The following VTCN1 variants were observed in gnomAD, a reference collection of about 807,000 sequenced individuals.
The protein encoded by VTCN1 is V-set domain containing T cell activation inhibitor 1, also known as V-set domain-containing T-cell activation inhibitor 1.
A neutral mutation model predicts 26.5 loss-of-function variants in VTCN1; 26 were observed. That is an observed-to-expected ratio of 0.98 (90% CI 0.72 to 1.36). The LOEUF (loss-of-function observed/expected upper bound fraction) is 1.36. VTCN1 is among the 40% of genes most tolerant of loss of function. VTCN1 has a pLI of 0.00. For missense variants in VTCN1, 298 were observed against 337.7 expected (o/e 0.88, Z 0.92); for synonymous variants, 116 against 130.7 (o/e 0.89, Z 0.77).
At chr1:117,193,765 A>G (rs998402709) in intron 1 of VTCN1, among the ~76,000 whole-genome samples, 3 of 152,184 alleles carry the variant, frequency 2.0e-5, no homozygotes, top group African/African-American at 7.2e-5. Context: ...TAGACATAGA[A>G]CATTCCATCC....
At chr1:117,154,526 G>A (rs1651964356) in intron 3 of VTCN1, among the ~76,000 whole-genome samples, 1 of 152,222 alleles carries the variant, frequency 6.6e-6, no homozygotes, top group African/African-American at 2.4e-5. Context: ...GCACACGCCT[G>A]TAATCCAAGC....
At chr1:117,158,489 A>G (rs1652205441) in intron 2 of VTCN1, among the ~76,000 whole-genome samples, 1 of 152,220 alleles carries the variant, frequency 6.6e-6, no homozygotes, top group Non-Finnish European at 1.5e-5. Context: ...GCTGGGATAC[A>G]GGAAACCAAG....
chr1:117,153,460 CATTTT>C, intron 3 of VTCN1, 91 bp from the exon 4 acceptor site: 1 of 981,514 alleles, frequency 1.0e-6, no homozygotes, highest in Non-Finnish European at 1.4e-6. Context: ...AAAATGCAGT[CATTTT>C]TTTTTTTTTT....
In VTCN1 at chr1:117,167,759, T is replaced by C. The variant is rs1479106353; in HGVS notation, c.97+2348A>G. On this transcript the variant is annotated intron_variant, in intron 2 of 5. Transcript: ENST00000369458. This position sits in a 1 kb window ranked among gnomAD's most constrained non-coding sequence, Gnocchi z 4.1. ...TGTGAGCTGCTTTATTTTGAGACAG[T>C]AGAAAAAGAATTGAAAGATGGCCAA... Among the ~76,000 whole-genome samples, 3 of 151,994 alleles carry C rather than the reference T, an allele frequency of 2.0e-5. No individual in the cohort carries two copies. Among genetic ancestry groups the C allele is most frequent in the African/African-American group, 7.3e-5 (3 of 41,378 alleles).
Position 117,191,056 on chromosome 1 carries a change from T to G in VTCN1, c.32+19768A>C, listed in dbSNP as rs541958238. Among the ~76,000 whole-genome samples the G allele has an allele frequency of 3.7e-4, 56 of 151,684 alleles. 1 individual carries two copies. Among genetic ancestry groups the G allele is most frequent in the Admixed American group, 3.0e-3 (45 of 15,244 alleles). ...AAAACAGTACATAAAAAAGAAGAGT[T>G]TAATAAAGAAACAAAAACCATAAAG... On this transcript the variant is annotated intron_variant, in intron 1 of 5. Transcript: ENST00000369458.
rs780253875 is a variant in VTCN1, at chr1:117,147,632, G to A, written c.*26C>T. ...TCTCACCTGTTGTAACAATGACTTT[G>A]CATGCTTTTTTGTGGCCGAGGCACA... On this transcript the variant is annotated 3_prime_UTR_variant, in exon 5 of 6. Coordinates refer to ENST00000369458, the MANE Select transcript of VTCN1 (RefSeq NM_024626.4). This position sits in a 1 kb window ranked among gnomAD's most constrained non-coding sequence, Gnocchi z 4.6. 2.5e-6 allele frequency: 4 copies of A among 1,609,672 alleles called. No individual in the cohort carries two copies. The highest frequency in any genetic ancestry group is 1.3e-5 in the African/African-American group (1 of 74,454).
chr1:117,160,013 G>A (rs185961539), intron 2 of VTCN1, among the ~76,000 whole-genome samples: 216 of 152,298 alleles, frequency 1.4e-3, no homozygotes, highest in Non-Finnish European at 2.4e-3. Context: ...ATTGTACACT[G>A]GGGGCTGCTG....
At position 117,170,239 on chromosome 1, in the gene VTCN1, G is replaced by C. The variant is rs1652833860; in HGVS notation, c.33-68C>G. On this transcript the variant is annotated intron_variant, in intron 1 of 5. Coordinates refer to ENST00000369458, the MANE Select transcript of VTCN1 (RefSeq NM_024626.4). ...CTCTTGATGTGCTGCTTTGCAACTG[G>C]GGTACAAATCTGTTGTGGATAAGAT... The C allele has an allele frequency of 2.1e-6, 3 of 1,432,204 alleles. No homozygotes were observed. The South Asian group carries it at 3.4e-5, about 16-fold the overall frequency. 88.7% of individuals were successfully genotyped at this position (1,432,204 alleles called of 1,614,324 possible). A position where few individuals can be genotyped will look rare whatever the true frequency, so the allele number is the denominator to read the frequency against.
Position 117,147,971 on chromosome 1 carries a change from T to C in VTCN1, c.725-189A>G, listed in dbSNP as rs1260555548. Among the ~76,000 whole-genome samples the C allele has an allele frequency of 1.3e-5, 2 of 152,152 alleles. No homozygotes were observed. The highest frequency in any genetic ancestry group is 2.4e-5 in the African/African-American group (1 of 41,430). On this transcript the variant is annotated intron_variant, in intron 4 of 5. Transcript: ENST00000369458. This position sits in a 1 kb window ranked among gnomAD's most constrained non-coding sequence, Gnocchi z 4.6. ...GAGCTTTCTCTTTCTTCAAAGAAAA[T>C]TCCATTCTGTGGTCCACTCCAGTGA...
chr1:117,198,029 C>T (rs1042156759), intron 1 of VTCN1, among the ~76,000 whole-genome samples: 1 of 152,174 alleles, frequency 6.6e-6, no homozygotes, highest in Non-Finnish European at 1.5e-5. Context: ...CTGGGCACTG[C>T]CTTCTACTGC....
At chr1:117,196,389 CAT>C (rs751834042) in intron 1 of VTCN1, among the ~76,000 whole-genome samples, 2,860 of 148,156 alleles carry the variant, frequency 0.019, 75 homozygotes, top group African/African-American at 0.061. Context: ...GTATTAAATA[CAT>C]ATATATATAT....
intron 1 of VTCN1, among the ~76,000 whole-genome samples, chr1:117,189,459 G>A (rs1349580377): frequency 1.3e-5 from 2 of 152,126 alleles, no homozygotes; most frequent in Admixed American, 6.5e-5. Context: ...TTTCCCTGTC[G>A]TTCCACGAAA....
At chr1:117,203,243 G>C (rs1648875703) in intron 1 of VTCN1, among the ~76,000 whole-genome samples, 1 of 152,002 alleles carries the variant, frequency 6.6e-6, no homozygotes, top group Admixed American at 6.6e-5. Context: ...TCTGAGGCTG[G>C]GGTGGGGAGA....
chr1:117,157,005 G>A (rs760362412), intron 2 of VTCN1, 84 bp from the exon 3 acceptor site: 1 of 1,607,088 alleles, frequency 6.2e-7, no homozygotes, highest in Non-Finnish European at 8.5e-7. Context: ...AAGCCAGACA[G>A]AGACTTCTGT....
chr1:117,154,481 A>G (rs1252393141), intron 3 of VTCN1, among the ~76,000 whole-genome samples: 3 of 152,232 alleles, frequency 2.0e-5, no homozygotes, highest in Non-Finnish European at 4.4e-5. Flanking sequence ...AATGTGCATT[A>G]GTCAAAACTG....
Position 117,192,008 on chromosome 1 carries a change from G to GATATATAT in VTCN1, c.32+18815_32+18816insATATATAT, listed in dbSNP as rs34397281. ...GTTGAAAATTTCCCAATTCTTAGGA[G>GATATATAT]ATATATAGATATATATATATACACA... On this transcript the variant is annotated intron_variant, in intron 1 of 5. Transcript: ENST00000369458. Among the ~76,000 whole-genome samples the GATATATAT allele has an allele frequency of 8.8e-4, 130 of 148,148 alleles. No individual in the cohort carries two copies. The Middle Eastern group carries it at 0.01, about 12-fold the overall frequency.
intron 3 of VTCN1, among the ~76,000 whole-genome samples, chr1:117,153,631 T>C (rs1034930574): frequency 1.4e-4 from 22 of 152,244 alleles, no homozygotes; most frequent in Middle Eastern, 6.8e-3. Context: ...CTAGGTATAT[T>C]ATGGTTACAA....
intron 1 of VTCN1, among the ~76,000 whole-genome samples, chr1:117,197,550 C>T (rs1648575075): frequency 6.6e-6 from 1 of 152,072 alleles, no homozygotes; most frequent in Non-Finnish European, 1.5e-5. Flanking sequence ...TTACTTCATC[C>T]TCTTCATTTA....
At chr1:117,149,868 G>C (rs776427820) in intron 4 of VTCN1, among the ~76,000 whole-genome samples, 29 of 152,096 alleles carry the variant, frequency 1.9e-4, no homozygotes, top group Non-Finnish European at 3.7e-4. Context: ...AAGAAATTCT[G>C]CTATTTTCTT....
Sources: gnomAD v4.1 joint callset for allele counts (sites outside exome capture counted in the v4.1 genomes callset) on GRCh38, gnomAD v4.1.1 for gene constraint, Gnocchi (gnomAD v3.1) non-coding constraint, MANE v1.5 for transcripts, NCBI Gene and HGNC (gene_info 2026-07-23, HGNC 2026-07-21) for gene names.